Variants in FREM1 observed in about 807,000 individuals in gnomAD.
FREM1 encodes the protein FRAS1-related extracellular matrix protein 1.
A neutral mutation model predicts 210.1 loss-of-function variants in FREM1; 220 were observed. The ratio of observed to expected loss-of-function variants is 1.05; its 90% confidence interval spans 0.94 to 1.17. FREM1 has a LOEUF of 1.17. Among genes scored for constraint, FREM1 ranks in the 50% most tolerant of loss-of-function variants. FREM1 has a pLI of 0.00. For synonymous variants in FREM1, 1,189 were observed against 980.2 expected, an observed-to-expected ratio of 1.21 and a Z score of -3.98; for missense variants, 3,454 against 2,675.5, an observed-to-expected ratio of 1.29 and a Z score of -6.42.
In FREM1 at chr9:14,771,937, A is replaced by G. The variant is rs1494356; in HGVS notation, c.4858-1131T>C. ...AATACTATTTTTGTTAAAAATATAT[A>G]TTTATCTATACATAATGTTTGTATA... On this transcript the variant is annotated intron_variant, in intron 25 of 36. Coordinates refer to ENST00000380880, the MANE Select transcript of FREM1 (RefSeq NM_001379081.2). Among the ~76,000 whole-genome samples, 172 of 152,142 alleles carry G rather than the reference A, an allele frequency of 1.1e-3. 1 individual carries two copies. Among genetic ancestry groups the G allele is most frequent in the African/African-American group, 4.0e-3 (165 of 41,538 alleles).
intron 23 of FREM1, among the ~76,000 whole-genome samples, chr9:14,785,059 C>G (rs1303511328): frequency 1.3e-5 from 2 of 152,172 alleles, no homozygotes; most frequent in African/African-American, 2.4e-5. Flanking sequence ...TCACGTATAC[C>G]TTGACCCAGC....
rs1820537210 is a variant in FREM1, at chr9:14,817,625, G to C, written c.2547-754C>G. On this transcript the variant is annotated intron_variant, in intron 14 of 36. Transcript: ENST00000380880. ...AGCCAAATTTTAAACATATCAATGAGTCCTAGGAATGGAAAATAAAAGTTG... is the reference window on the plus strand; with the variant it reads ...AGCCAAATTTTAAACATATCAATGACTCCTAGGAATGGAAAATAAAAGTTG... Among the ~76,000 whole-genome samples, 2 of 152,202 alleles carry C rather than the reference G, an allele frequency of 1.3e-5. 1 individual carries two copies. Among genetic ancestry groups the C allele is most frequent in the South Asian group, 4.1e-4 (2 of 4,824 alleles).
chr9:14,803,894 C>T lies in FREM1; in HGVS notation c.3471+1062G>A, dbSNP rs776577476. ...TGAAAACATTTTAAATAGGACCTTG[C>T]CTTTTTCTCCAAGAACTTTAATAAA... On this transcript the variant is annotated intron_variant, in intron 19 of 36. Transcript: ENST00000380880. 9.2e-5 allele frequency among the ~76,000 whole-genome samples: 14 copies of T among 152,268 alleles called. No individual in the cohort carries two copies. In the Middle Eastern group the frequency reaches 0.014, roughly 148 times the overall value.
intron 2 of FREM1, among the ~76,000 whole-genome samples, chr9:14,865,526 ATTTTC>A (rs555902382): frequency 8.9e-4 from 136 of 152,306 alleles, no homozygotes; most frequent in African/African-American, 3.1e-3. Context: ...TAAACAAAAC[ATTTTC>A]TGTGCAAGTC....
At position 14,851,413 on chromosome 9, in the gene FREM1, G is replaced by C. The variant is rs750121165; in HGVS notation, c.1023C>G (p.Leu341=). The change falls in exon 6 of 37, where the codon CTC becomes CTG. Residue 341 remains leucine (L), a synonymous_variant. Transcript: ENST00000380880. ...LLVFNITKAP[L]QGYVTHLLDH... is the part of the protein sequence containing the mutation. ...CCAACAGGTGAGTCACATAGCCCTG[G>C]AGCGGGGCTTTAGTAATGTTGAACA... 3.7e-6 allele frequency: 6 copies of C among 1,613,888 alleles called. No homozygotes were observed. Among genetic ancestry groups the C allele is most frequent in the Middle Eastern group, 1.6e-4 (1 of 6,062 alleles).
At chr9:14,903,641 C>T (rs1328219699) in intron 1 of FREM1, among the ~76,000 whole-genome samples, 4 of 152,202 alleles carry the variant, frequency 2.6e-5, no homozygotes. Flanking sequence ...GCAGTTATCA[C>T]ATCCTACCTG....
chr9:14,830,969 G>C (rs1471418443), intron 10 of FREM1, among the ~76,000 whole-genome samples: 1 of 152,196 alleles, frequency 6.6e-6, no homozygotes, highest in East Asian at 1.9e-4. Flanking sequence ...CATCAACCTA[G>C]TATATACGCT....
Position 14,846,039 on chromosome 9 carries a change from C to G in FREM1, c.1314G>C (p.Gln438His). 1 of 1,606,616 alleles carries G rather than the reference C, an allele frequency of 6.2e-7. No individual in the cohort carries two copies. The highest frequency in any genetic ancestry group is 1.1e-5 in the South Asian group (1 of 89,594). The change falls in exon 8 of 37, where the codon CAG (glutamine) becomes CAC (histidine). Residue 438 changes from glutamine to histidine, a missense_variant. Physicochemically the swap from Gln to His is conservative, Grantham distance 24. Transcript: ENST00000380880. ...QSRAITWEQF[Q>H]VVDNDDIGAV... Reference sequence around the variant, plus strand: ...CACCAATGTCGTCATTGTCGACAACCTGAAACTGTTCCCAAGTGATGGCTC... The same window carrying G: ...CACCAATGTCGTCATTGTCGACAACGTGAAACTGTTCCCAAGTGATGGCTC...
Position 14,737,533 on chromosome 9 carries a change from T to C in FREM1, c.6403A>G (p.Thr2135Ala), listed in dbSNP as rs1563797042. ...EWIGGEPVAFTNGRRGPSQRS... is the reference protein window; with the variant it reads ...EWIGGEPVAFANGRRGPSQRS... ...TGAGAGGGCCCTCTTCTCCCATTGGTGAAGGCAACAGGTTCACCACCGATC... is the reference window on the plus strand; with the variant it reads ...TGAGAGGGCCCTCTTCTCCCATTGGCGAAGGCAACAGGTTCACCACCGATC... The change falls in exon 37 of 37, where the codon ACC becomes GCC. Residue 2135 changes from threonine to alanine, a missense_variant. Thr to Ala is a moderately conservative substitution (Grantham distance 58). Transcript: ENST00000380880. 6.2e-7 allele frequency: 1 copy of C among 1,611,110 alleles called. No individual in the cohort carries two copies.
At chr9:14,772,159 G>A (rs1023411057) in intron 25 of FREM1, among the ~76,000 whole-genome samples, 1 of 151,908 alleles carries the variant, frequency 6.6e-6, no homozygotes, top group African/African-American at 2.4e-5. Flanking sequence ...TGAAGAAACA[G>A]ATATTTTTAT....
At chr9:14,879,630 T>C (rs1201759171) in intron 1 of FREM1, among the ~76,000 whole-genome samples, 1 of 152,186 alleles carries the variant, frequency 6.6e-6, no homozygotes, top group African/African-American at 2.4e-5. Context: ...TACCATGGAA[T>C]GGAATGTAAC....
intron 27 of FREM1, among the ~76,000 whole-genome samples, chr9:14,762,755 ATT>A (rs34136678): frequency 7.3e-6 from 1 of 137,916 alleles, no homozygotes. Flanking sequence ...TTTGAATGTG[ATT>A]TTTTTTTTTT....
At chr9:14,768,276 A>T (rs1198218439) in intron 27 of FREM1, among the ~76,000 whole-genome samples, 1 of 4,892 alleles carries the variant, frequency 2.0e-4, no homozygotes, top group East Asian at 1.8e-3. Flanking sequence ...TAAAATGTTA[A>T]AAAAAAAAAG....
chr9:14,900,827 T>A (rs1321749192), intron 1 of FREM1, among the ~76,000 whole-genome samples: 1 of 152,182 alleles, frequency 6.6e-6, no homozygotes, highest in African/African-American at 2.4e-5. Context: ...CCCCTTATAG[T>A]GCATGGAAAT....
chr9:14,831,523 C>T (rs1230669580), intron 10 of FREM1, among the ~76,000 whole-genome samples: 1 of 152,172 alleles, frequency 6.6e-6, no homozygotes, highest in African/African-American at 2.4e-5. Context: ...CCATTTGGTT[C>T]CTACATTCCT....
At chr9:14,765,387 CAGTT>C (rs1243332096) in intron 27 of FREM1, among the ~76,000 whole-genome samples, 1 of 152,174 alleles carries the variant, frequency 6.6e-6, no homozygotes, top group African/African-American at 2.4e-5. Flanking sequence ...TGATTACGGT[CAGTT>C]ACTCAGTCTC....
At position 14,824,073 on chromosome 9, in the gene FREM1, T is replaced by C; in HGVS notation, c.2121A>G (p.Pro707=). The part of the protein sequence containing the change: ...AGKLFMVDSI[P]KVVKNPTALE... ...GGGCCGTAGGATTCTTAACTACTTT[T>C]GGTATGCTGTCCACCATAAATAATT... Residue 707 remains proline (P), a synonymous_variant, in exon 12 of 37, where the codon CCA becomes CCG. Transcript: ENST00000380880. The C allele has an allele frequency of 6.3e-7, 1 of 1,591,718 alleles. No homozygotes were observed. The highest frequency in any genetic ancestry group is 8.6e-7 in the Non-Finnish European group (1 of 1,167,822).
intron 12 of FREM1, among the ~76,000 whole-genome samples, chr9:14,823,530 A>G (rs1821764369): frequency 6.6e-6 from 1 of 152,252 alleles, no homozygotes; most frequent in Non-Finnish European, 1.5e-5. Flanking sequence ...GAAGCAAGGA[A>G]GAATTCTCCT....
intron 1 of FREM1, among the ~76,000 whole-genome samples, chr9:14,906,372 A>G (rs905593257): frequency 9.8e-5 from 15 of 152,292 alleles, no homozygotes; most frequent in South Asian, 4.1e-4. Context: ...AACAATCACT[A>G]ATGCTTATTG....
Sources: allele counts gnomAD v4.1 joint callset (sites outside exome capture counted in the v4.1 genomes callset), GRCh38; gene constraint gnomAD v4.1.1; transcripts MANE v1.5; gene names NCBI Gene and HGNC (gene_info 2026-07-23, HGNC 2026-07-21).